Variants in ACER2 observed in about 807,000 individuals in gnomAD.
ACER2 encodes alkCDase 2.
ACER2 carries 26 observed loss-of-function variants against 34.7 expected under a neutral mutation model. The ratio of observed to expected loss-of-function variants is 0.75; its 90% confidence interval spans 0.55 to 1.04. ACER2 has a LOEUF of 1.04. Ranked by LOEUF, ACER2 falls within the 50% of genes least tolerant of loss-of-function variation. The pLI is 0.00. For missense variants in ACER2, 352 were observed against 340.8 expected (o/e 1.03, Z -0.26); for synonymous variants, 138 against 132.1 (o/e 1.04, Z -0.31).
chr9:19,418,455 C>T (rs1296287903), intron 1 of ACER2, among the ~76,000 whole-genome samples: 2 of 152,212 alleles, frequency 1.3e-5, no homozygotes, highest in Admixed American at 6.5e-5. Flanking sequence ...CCCAAATGCC[C>T]ATCAGTGATA....
intron 1 of ACER2, chr9:19,409,647 G>C (rs1830026808): frequency 1.4e-6 from 1 of 722,512 alleles, no homozygotes; most frequent in South Asian, 6.2e-5. Context: ...CCCCCCGCAG[G>C]TCCCCGCGGC....
chr9:19,448,543 A>G (rs1050250256), intron 5 of ACER2, among the ~76,000 whole-genome samples: 1 of 152,066 alleles, frequency 6.6e-6, no homozygotes, highest in African/African-American at 2.4e-5. Flanking sequence ...ATCTAGATTG[A>G]TTTGAGTTTC....
At position 19,450,616 on chromosome 9, in the gene ACER2, T is replaced by C; in HGVS notation, c.808T>C (p.Ser270Pro). ...YVSLLCANKK[S>P]SVKIT is the part of the protein sequence containing the mutation. ...GTCCCTCCTGTGTGCCAACAAGAAA[T>C]CATCAGTCAAGATCACGTGATGGCA... The change falls in exon 6 of 6, where the codon TCA (serine) becomes CCA (proline). Residue 270 changes from serine (S) to proline (P), a missense_variant. Ser to Pro is a moderately conservative substitution (Grantham distance 74). Transcript: ENST00000340967. 3 of 1,575,500 alleles carry C rather than the reference T, an allele frequency of 1.9e-6. No homozygotes were observed. The South Asian group carries it at 3.4e-5, about 18-fold the overall frequency.
intron 3 of ACER2, among the ~76,000 whole-genome samples, chr9:19,426,466 T>G (rs7039309): frequency 6.7e-6 from 1 of 148,462 alleles, no homozygotes; most frequent in Non-Finnish European, 1.5e-5. Context: ...CCAGTCACCA[T>G]GATGCTTTCT....
chr9:19,411,837 A>G (rs981832480), intron 1 of ACER2, among the ~76,000 whole-genome samples: 8 of 152,208 alleles, frequency 5.3e-5, no homozygotes, highest in African/African-American at 1.7e-4. Context: ...ACACCTTCAG[A>G]TACTACTGTC....
chr9:19,443,140 C>G (rs1461073610), intron 4 of ACER2, among the ~76,000 whole-genome samples: 1 of 152,238 alleles, frequency 6.6e-6, no homozygotes, highest in Non-Finnish European at 1.5e-5. Context: ...GCGCCATTCT[C>G]CTGCTTCAGT....
chr9:19,417,787 C>T (rs1830280453), intron 1 of ACER2, among the ~76,000 whole-genome samples: 1 of 152,196 alleles, frequency 6.6e-6, no homozygotes, highest in African/African-American at 2.4e-5. Flanking sequence ...CCATTCAGGA[C>T]ATATGCATGG....
At chr9:19,430,488 C>T (rs1181630773) in intron 3 of ACER2, among the ~76,000 whole-genome samples, 3 of 152,152 alleles carry the variant, frequency 2.0e-5, no homozygotes, top group Non-Finnish European at 4.4e-5. Context: ...GTACCCAGGG[C>T]CTCTGTTGAC....
Position 19,450,609 on chromosome 9 carries a change from C to G in ACER2, c.801C>G (p.Asn267Lys), listed in dbSNP as rs371832847. 2.5e-6 allele frequency: 4 copies of G among 1,579,604 alleles called. No homozygotes were observed. In the African/African-American group the frequency reaches 4.0e-5, roughly 16 times the overall value. ...GVPYVSLLCA[N>K]KKSSVKIT ...CCTATGTGTCCCTCCTGTGTGCCAACAAGAAATCATCAGTCAAGATCACGT... is the reference window on the plus strand; with the variant it reads ...CCTATGTGTCCCTCCTGTGTGCCAAGAAGAAATCATCAGTCAAGATCACGT... Residue 267 changes from asparagine to lysine, a missense_variant, in exon 6 of 6, where the codon AAC becomes AAG. Transcript: ENST00000340967.
chr9:19,426,786 T>C (rs761443759), intron 3 of ACER2, among the ~76,000 whole-genome samples: 7 of 152,098 alleles, frequency 4.6e-5, no homozygotes, highest in South Asian at 2.1e-4. Flanking sequence ...ACAGAGCCAG[T>C]TGGGGTGGTG....
rs372404650 is a variant in ACER2, at chr9:19,418,510, T to C, written c.109-5352T>C. Among the ~76,000 whole-genome samples, 315 of 152,282 alleles carry C rather than the reference T, an allele frequency of 2.1e-3. 15 individuals are homozygous for C. The South Asian group carries it at 0.063, about 30-fold the overall frequency. On this transcript the variant is annotated intron_variant, in intron 1 of 5. Transcript: ENST00000340967. ...GGCACATACACACCATGGAATAGTA[T>C]GCAGCCACAAAAAAGGATGAGTTCA...
At chr9:19,442,737 G>A (rs1022384589) in intron 4 of ACER2, among the ~76,000 whole-genome samples, 4 of 151,984 alleles carry the variant, frequency 2.6e-5, no homozygotes, top group Non-Finnish European at 5.9e-5. Flanking sequence ...GTTGATATTT[G>A]TTCTTGCCTA....
At chr9:19,418,672 C>T (rs771849815) in intron 1 of ACER2, among the ~76,000 whole-genome samples, 1 of 152,116 alleles carries the variant, frequency 6.6e-6, no homozygotes, top group Non-Finnish European at 1.5e-5. Context: ...GGGAGGGAAA[C>T]ATCACACACC....
rs200674982 is a variant in ACER2 at position 19,433,361 on chromosome 9, T to G, written c.366-1586T>G. ...ATTAGGGAGTGGTGATGACTCTTAATGAGCATGCTGCCTTCAAGCATCTGT... is the reference window on the plus strand; with the variant it reads ...ATTAGGGAGTGGTGATGACTCTTAAGGAGCATGCTGCCTTCAAGCATCTGT... On this transcript the variant is annotated intron_variant, in intron 3 of 5. Transcript: ENST00000340967. 5.3e-3 allele frequency among the ~76,000 whole-genome samples: 806 copies of G among 152,042 alleles called. 3 individuals are homozygous for G. The highest frequency in any genetic ancestry group is 0.01 in the Middle Eastern group (3 of 294).
At chr9:19,430,730 G>T in intron 3 of ACER2, among the ~76,000 whole-genome samples, 2 of 152,146 alleles carry the variant, frequency 1.3e-5, no homozygotes, top group South Asian at 4.1e-4. Flanking sequence ...GGCTGAGGCA[G>T]GTGGATCACC....
intron 5 of ACER2, 128 bp from the exon 6 acceptor site, chr9:19,450,322 A>G (rs1589074629): frequency 1.5e-6 from 2 of 1,344,568 alleles, no homozygotes; most frequent in South Asian, 2.6e-5. Flanking sequence ...TCCTAATTAG[A>G]AGAGGCCCCT....
At chr9:19,443,937 G>A (rs754847551) in intron 4 of ACER2, among the ~76,000 whole-genome samples, 2 of 151,608 alleles carry the variant, frequency 1.3e-5, no homozygotes, top group Middle Eastern at 3.2e-3. Flanking sequence ...GATTACAGGG[G>A]TGAGCTCCCG....
chr9:19,436,406 T>C (rs773705684), intron 4 of ACER2, among the ~76,000 whole-genome samples: 11 of 152,256 alleles, frequency 7.2e-5, no homozygotes, highest in Non-Finnish European at 1.6e-4. Context: ...GGAAAATTAA[T>C]ATTTGATAGT....
intron 1 of ACER2, among the ~76,000 whole-genome samples, chr9:19,419,034 G>GA (rs576339598): frequency 6.6e-6 from 1 of 151,904 alleles, no homozygotes; most frequent in Non-Finnish European, 1.5e-5. Context: ...TATAAAAATA[G>GA]AAAAAAATTA....
Sources: gnomAD v4.1 joint callset for allele counts (sites outside exome capture counted in the v4.1 genomes callset) on GRCh38, gnomAD v4.1.1 for gene constraint, MANE v1.5 for transcripts, NCBI Gene and HGNC (gene_info 2026-07-23, HGNC 2026-07-21) for gene names.